The following KDM4C variants were observed in gnomAD, a reference collection of about 807,000 sequenced individuals.
KDM4C encodes the protein lysine demethylase 4C, also known as lysine-specific demethylase 4C.
Under a neutral mutation model 129.3 loss-of-function variants are expected in KDM4C, and 81 were observed. The observed-to-expected ratio is 0.63, with a 90% CI of 0.52 to 0.75. The LOEUF is 0.75. Ranked by LOEUF, KDM4C falls within the 30% of genes least tolerant of loss-of-function variation. The pLI is 0.00. For synonymous variants in KDM4C, 573 were observed against 456.1 expected (o/e 1.26, Z -3.26); for missense variants, 1,457 against 1,304.0 (o/e 1.12, Z -1.81).
At chr9:7,000,689 AT>A (rs1479779255) in intron 12 of KDM4C, among the ~76,000 whole-genome samples, 1 of 152,158 alleles carries the variant, frequency 6.6e-6, no homozygotes, top group Non-Finnish European at 1.5e-5. Context: ...GAAAACTGCA[AT>A]TTCATACAAC....
chr9:6,961,500 G>T (rs1354003155), intron 8 of KDM4C, among the ~76,000 whole-genome samples: 1 of 152,154 alleles, frequency 6.6e-6, no homozygotes, highest in African/African-American at 2.4e-5. Context: ...CTTTCTGTTT[G>T]TAAAGAAGGT....
chr9:6,946,475 A>G (rs905705273), intron 8 of KDM4C, among the ~76,000 whole-genome samples: 8 of 152,244 alleles, frequency 5.3e-5, no homozygotes, highest in African/African-American at 1.9e-4. Flanking sequence ...AGCATTACTT[A>G]TAGTTTTAAA....
At chr9:7,090,954 T>C (rs978241078) in intron 17 of KDM4C, among the ~76,000 whole-genome samples, 2 of 152,222 alleles carry the variant, frequency 1.3e-5, no homozygotes, top group Non-Finnish European at 2.9e-5. Context: ...ATGTCCATTA[T>C]GTGTTTACAA....
At chr9:6,771,225 C>G (rs1821774181) in intron 1 of KDM4C, among the ~76,000 whole-genome samples, 1 of 151,546 alleles carries the variant, frequency 6.6e-6, no homozygotes, top group Non-Finnish European at 1.5e-5. Context: ...GCCACTGCAC[C>G]TGGCCTGATT....
intron 8 of KDM4C, among the ~76,000 whole-genome samples, chr9:6,929,328 T>A (rs1396039392): frequency 6.6e-6 from 1 of 152,236 alleles, no homozygotes; most frequent in Non-Finnish European, 1.5e-5. Context: ...GAGTGCCCTT[T>A]TACTATTTAC....
intron 5 of KDM4C, among the ~76,000 whole-genome samples, chr9:6,863,811 AAG>A (rs200519981): frequency 1.4e-5 from 2 of 147,710 alleles, no homozygotes; most frequent in Admixed American, 6.9e-5. Flanking sequence ...AAAAAAAAAA[AAG>A]AGAGAGAGAA....
intron 3 of KDM4C, among the ~76,000 whole-genome samples, chr9:6,809,063 A>G (rs1279242411): frequency 6.6e-6 from 1 of 152,206 alleles, no homozygotes; most frequent in Non-Finnish European, 1.5e-5. Flanking sequence ...ATTATATTTG[A>G]CATTGTAAGC....
intron 1 of KDM4C, among the ~76,000 whole-genome samples, chr9:6,764,286 A>G (rs1275048572): frequency 6.6e-6 from 1 of 152,214 alleles, no homozygotes; most frequent in Non-Finnish European, 1.5e-5. Context: ...GTAGCATAGA[A>G]CAGAATATAG....
rs781067970 is a variant in KDM4C, at chr9:6,758,103, G to A, written c.-118G>A. ...GCAGCGAACAGCTGTCACCTAGTGC[G>A]GAACAAGTCTCCCAAATTTCCCAAA... On this transcript the variant is annotated 5_prime_UTR_variant, in exon 1 of 22. Transcript: ENST00000381309. The surrounding 1 kb of genome is among the most constrained non-coding windows in gnomAD (Gnocchi z 4.6). 8.3e-5 allele frequency: 82 copies of A among 985,450 alleles called. No homozygotes were observed. The highest frequency in any genetic ancestry group is 9.9e-5 in the Non-Finnish European group (82 of 830,056). The allele number at this position is 985,450 out of a possible 1,614,324, so 61.0% of individuals were successfully genotyped here. A position where few individuals can be genotyped will look rare whatever the true frequency, so the allele number is the denominator to read the frequency against.
intron 21 of KDM4C, 92 bp downstream of exon 21, chr9:7,169,982 G>T: frequency 6.3e-7 from 1 of 1,587,572 alleles, no homozygotes; most frequent in Non-Finnish European, 8.6e-7. Flanking sequence ...ACATACTTGG[G>T]CTTTTGGATT....
At chr9:6,882,441 G>A (rs1419478359) in intron 6 of KDM4C, among the ~76,000 whole-genome samples, 1 of 152,086 alleles carries the variant, frequency 6.6e-6, no homozygotes, top group African/African-American at 2.4e-5. Flanking sequence ...AGATTTTTGT[G>A]AAAAGTAGTA....
At chr9:7,110,974 T>G (rs1398551678) in intron 18 of KDM4C, among the ~76,000 whole-genome samples, 1 of 152,226 alleles carries the variant, frequency 6.6e-6, no homozygotes, top group African/African-American at 2.4e-5. Context: ...TAGACTGCCT[T>G]AAAACTGTTC....
intron 5 of KDM4C, among the ~76,000 whole-genome samples, chr9:6,866,184 CT>C (rs1033264369): frequency 2.0e-3 from 292 of 144,706 alleles, no homozygotes; most frequent in African/African-American, 2.1e-3. Flanking sequence ...TGCACCCATC[CT>C]TTTTTTTTTT....
At position 7,165,349 on chromosome 9, in the gene KDM4C, A is replaced by T; in HGVS notation, c.2893A>T (p.Met965Leu). 6.2e-7 allele frequency: 1 copy of T among 1,613,960 alleles called. No homozygotes were observed. The highest frequency in any genetic ancestry group is 8.5e-7 in the Non-Finnish European group (1 of 1,179,916). ...ATATTTTGGATCAAATATTGCCCACATGTACCAGGTGGGTTCTTCCTTCTC... is the reference window on the plus strand; with the variant it reads ...ATATTTTGGATCAAATATTGCCCACTTGTACCAGGTGGGTTCTTCCTTCTC... ...AKYFGSNIAH[M>L]YQVEFEDGSQ... Residue 965 changes from methionine to leucine, a missense_variant, in exon 20 of 22, where the codon ATG (methionine) becomes TTG (leucine). Coordinates refer to ENST00000381309, the MANE Select transcript of KDM4C (RefSeq NM_015061.6).
intron 5 of KDM4C, among the ~76,000 whole-genome samples, chr9:6,866,327 C>G (rs1841973671): frequency 6.6e-6 from 1 of 151,578 alleles, no homozygotes; most frequent in Non-Finnish European, 1.5e-5. Flanking sequence ...CTTTTTGGTT[C>G]CAGATGGTGC....
upstream of KDM4C, among the ~76,000 whole-genome samples, chr9:6,754,888 A>AG (rs1199810947): frequency 1.3e-5 from 2 of 148,670 alleles, no homozygotes; most frequent in Non-Finnish European, 3.0e-5. Flanking sequence ...AGTAAAAAAA[A>AG]AAAAAAAAAA....
rs142288498 is a variant in KDM4C, at chr9:6,760,302, G to C, written c.-18+2099G>C. Among the ~76,000 whole-genome samples, 652 of 152,050 alleles carry C rather than the reference G, an allele frequency of 4.3e-3. 9 individuals are homozygous for C. The highest frequency in any genetic ancestry group is 0.015 in the African/African-American group (616 of 41,490). ...GTATCAGTACTTCATTCCTTTTAATGGCTAATATTCTATTATGGATACATC... is the reference window on the plus strand; with the variant it reads ...GTATCAGTACTTCATTCCTTTTAATCGCTAATATTCTATTATGGATACATC... On this transcript the variant is annotated intron_variant, in intron 1 of 21. Transcript: ENST00000381309.
At chr9:6,734,292 T>G (rs1350630841) in intron 1 of KDM4C, among the ~76,000 whole-genome samples, 1 of 144,972 alleles carries the variant, frequency 6.9e-6, no homozygotes, top group East Asian at 1.9e-4. Flanking sequence ...TGTTTGGTTT[T>G]TTTTTTTTTT....
chr9:6,780,983 C>T (rs376309750), intron 1 of KDM4C, among the ~76,000 whole-genome samples: 16 of 152,084 alleles, frequency 1.1e-4, no homozygotes, highest in East Asian at 7.7e-4. Context: ...CTACTTTTCT[C>T]TGCTGATCTC....
Sources: allele counts gnomAD v4.1 joint callset (sites outside exome capture counted in the v4.1 genomes callset), GRCh38; gene constraint gnomAD v4.1.1; non-coding constraint Gnocchi (gnomAD v3.1); transcripts MANE v1.5; gene names NCBI Gene and HGNC (gene_info 2026-07-23, HGNC 2026-07-21).